The following AMDHD2 variants were observed in gnomAD, a reference collection of about 807,000 sequenced individuals.
The protein encoded by AMDHD2 is amidohydrolase domain containing 2, also known as N-acetylglucosamine-6-phosphate deacetylase.
A neutral mutation model predicts 41.8 loss-of-function variants in AMDHD2; 24 were observed. The ratio of observed to expected loss-of-function variants is 0.57; its 90% CI spans 0.42 to 0.81. AMDHD2 has a LOEUF of 0.81. Among genes scored for constraint, AMDHD2 ranks in the 30% least tolerant of loss-of-function variants. AMDHD2 has a pLI of 0.00. For synonymous variants in AMDHD2, 332 were observed against 255.5 expected (o/e 1.30, Z -2.85); for missense variants, 540 against 588.5 (o/e 0.92, Z 0.85).
chr16:2,523,117 C>T (rs1052754659), intron 3 of AMDHD2, among the ~76,000 whole-genome samples: 4 of 152,190 alleles, frequency 2.6e-5, no homozygotes, highest in African/African-American at 7.2e-5. Flanking sequence ...GCTAGGATTA[C>T]AGGCGTGAGC....
chr16:2,524,736 A>G (rs1013368023), intron 3 of AMDHD2, among the ~76,000 whole-genome samples: 2 of 151,942 alleles, frequency 1.3e-5, no homozygotes, highest in Non-Finnish European at 2.9e-5. Flanking sequence ...AGCTCTAAAA[A>G]CTGTGCTGGC....
intron 3 of AMDHD2, among the ~76,000 whole-genome samples, chr16:2,524,915 G>C (rs189219553): frequency 6.1e-4 from 93 of 151,696 alleles, no homozygotes; most frequent in African/African-American, 2.1e-3. Context: ...TCAGTCATCG[G>C]AGTGGTGTGA....
At chr16:2,526,691 A>C (rs542329985) in intron 3 of AMDHD2, among the ~76,000 whole-genome samples, 1 of 150,674 alleles carries the variant, frequency 6.6e-6, no homozygotes, top group South Asian at 2.1e-4. Flanking sequence ...TAATCCCAGC[A>C]CTTTGGGAGA....
At chr16:2,529,120 G>A (rs935280096) in intron 10 of AMDHD2, 25 bp downstream of exon 10, 38 of 1,517,008 alleles carry the variant, frequency 2.5e-5, no homozygotes, top group Admixed American at 4.5e-5. Context: ...CAGGGTCACC[G>A]GGCAGCCTGG....
rs1232713471 is a variant in AMDHD2, at chr16:2,528,706, C to T, written c.1027C>T (p.Leu343=). 6 of 1,612,522 alleles carry T rather than the reference C, an allele frequency of 3.7e-6. No individual in the cohort carries two copies. Among genetic ancestry groups the T allele is most frequent in the South Asian group, 1.1e-5 (1 of 91,086 alleles). ...APMDVCVRHF[L]QATGCSMESA... is the part of the protein sequence containing the mutation. ...AATGGACGTCTGTGTCCGGCACTTC[C>T]TGCAGGCCACAGGTCAGTGAGCAGC... The change falls in exon 9 of 11, where the codon CTG becomes TTG. Residue 343 remains leucine, a synonymous_variant. Coordinates refer to ENST00000293971, the MANE Select transcript of AMDHD2 (RefSeq NM_001330449.2).
rs1436379682 is a variant in AMDHD2 at position 2,529,644 on chromosome 16, G to A, written c.*81G>A. On this transcript the variant is annotated 3_prime_UTR_variant, in exon 11 of 11. Coordinates refer to ENST00000293971, the MANE Select transcript of AMDHD2 (RefSeq NM_001330449.2). Reference sequence around the variant, plus strand: ...TGGTTGGGGAGCTGGTCTCCAGGGAGTGAGTCGGGAGCCCTGCTGGATTGA... The same window carrying A: ...TGGTTGGGGAGCTGGTCTCCAGGGAATGAGTCGGGAGCCCTGCTGGATTGA... 1.9e-6 allele frequency: 3 copies of A among 1,587,358 alleles called. No homozygotes were observed. The highest frequency in any genetic ancestry group is 2.6e-6 in the Non-Finnish European group (3 of 1,173,640).
chr16:2,521,141 G>A lies in AMDHD2; in HGVS notation c.360+18G>A. 1.9e-6 allele frequency: 3 copies of A among 1,548,312 alleles called. No homozygotes were observed. The highest frequency in any genetic ancestry group is 2.6e-6 in the Non-Finnish European group (3 of 1,141,974). On this transcript the variant is annotated intron_variant, in intron 3 of 10. Coordinates refer to ENST00000293971, the MANE Select transcript of AMDHD2 (RefSeq NM_001330449.2). ...ATCACAAGGTGAGGTGAGGCTCCCT[G>A]GCTGAGGTGGAGGGGGCTCCCGGAG...
chr16:2,527,682 A>T lies in AMDHD2; in HGVS notation c.415+67A>T, dbSNP rs571012335. The T allele has an allele frequency of 3.2e-6, 5 of 1,563,658 alleles. No individual in the cohort carries two copies. In the Admixed American group the frequency reaches 9.5e-5, roughly 30 times the overall value. ...CCTGCGGGACCTGTTGGCAGCCCCC[A>T]CCCCTCCAGATGCCCAGCTGGTGGG... On this transcript the variant is annotated intron_variant, in intron 4 of 10. Transcript: ENST00000293971. The surrounding 1 kb of genome is among the most constrained non-coding windows in gnomAD (Gnocchi z 6.1).
At chr16:2,521,154 G>C (rs2065931076) in intron 3 of AMDHD2, 31 bp downstream of exon 3, 1 of 1,524,246 alleles carries the variant, frequency 6.6e-7, no homozygotes, top group African/African-American at 1.4e-5. Context: ...TGAGGTGGAG[G>C]GGGCTCCCGG....
intron 3 of AMDHD2, among the ~76,000 whole-genome samples, chr16:2,523,490 T>G (rs2141902037): frequency 1.3e-5 from 2 of 152,276 alleles, no homozygotes; most frequent in Middle Eastern, 6.8e-3. Context: ...TGAGCCTCCG[T>G]TTCCTCAAAC....
At position 2,530,849 on chromosome 16, in the gene AMDHD2, G is replaced by C. The variant is rs754445253; in HGVS notation, c.*1286G>C. The C allele has an allele frequency of 6.2e-7, 1 of 1,613,730 alleles. No homozygotes were observed. The highest frequency in any genetic ancestry group is 8.5e-7 in the Non-Finnish European group (1 of 1,180,004). Reference sequence around the variant, plus strand: ...AAAGCAGGCGACGGATGTGGATCCTGACCTCCTGAGAGGTGTGAGGTGCAG... The same window carrying C: ...AAAGCAGGCGACGGATGTGGATCCTCACCTCCTGAGAGGTGTGAGGTGCAG... On this transcript the variant is annotated 3_prime_UTR_variant, in exon 11 of 11. Coordinates refer to ENST00000293971, the MANE Select transcript of AMDHD2 (RefSeq NM_001330449.2).
rs941126343 is a variant in AMDHD2 at position 2,530,751 on chromosome 16, C to G, written c.*1188C>G. 4 of 1,613,662 alleles carry G rather than the reference C, an allele frequency of 2.5e-6. No homozygotes were observed. Among genetic ancestry groups the G allele is most frequent in the Non-Finnish European group, 3.4e-6 (4 of 1,179,840 alleles). ...GAAGAACCACCTGCCTGGGCAGGGC[C>G]TCGCCTGAGGGAGGGCCTGGGGCAG... is the stretch of plus-strand genomic sequence containing the variant. On this transcript the variant is annotated 3_prime_UTR_variant, in exon 11 of 11. Transcript: ENST00000293971.
At chr16:2,523,602 G>A (rs1044675524) in intron 3 of AMDHD2, among the ~76,000 whole-genome samples, 3 of 152,150 alleles carry the variant, frequency 2.0e-5, no homozygotes, top group Admixed American at 1.3e-4. Context: ...AGCCATGGAT[G>A]TCTTTTTGGA....
At chr16:2,525,613 C>T (rs555861190) in intron 3 of AMDHD2, among the ~76,000 whole-genome samples, 1 of 152,134 alleles carries the variant, frequency 6.6e-6, no homozygotes, top group Non-Finnish European at 1.5e-5. Context: ...GGCGCGATCT[C>T]GGCTCACTGC....
Position 2,527,575 on chromosome 16 carries a change from C to T in AMDHD2, c.375C>T (p.Ile125=). 1 of 1,613,142 alleles carries T rather than the reference C, an allele frequency of 6.2e-7. No individual in the cohort carries two copies. The highest frequency in any genetic ancestry group is 8.5e-7 in the Non-Finnish European group (1 of 1,179,666). Residue 125 remains isoleucine (I), a synonymous_variant, in exon 4 of 11, where the codon ATC becomes ATT. Coordinates refer to ENST00000293971, the MANE Select transcript of AMDHD2 (RefSeq NM_001330449.2). The surrounding 1 kb of genome is among the most constrained non-coding windows in gnomAD (Gnocchi z 6.1). ...PEVYHKVVPQ[I]PVKSGGPHGA... is the part of the protein sequence containing the mutation. ...GTTCCCCCCAGGTTGTTCCTCAGAT[C>T]CCTGTGAAGAGTGGTGGTCCCCATG...
rs751034655 is a variant in AMDHD2 at position 2,528,003 on chromosome 16, G to A, written c.628+18G>A. 1 of 1,609,054 alleles carries A rather than the reference G, an allele frequency of 6.2e-7. No individual in the cohort carries two copies. The highest frequency in any genetic ancestry group is 1.1e-5 in the South Asian group (1 of 91,048). ...GTCCCTAGGTGAGGGGCCGGCTCGG[G>A]GTGGGCCTGCTTGGGGGACCTGGGC... On this transcript the variant is annotated intron_variant, in intron 5 of 10. Transcript: ENST00000293971.
At position 2,530,853 on chromosome 16, in the gene AMDHD2, T is replaced by A. The variant is rs754598974; in HGVS notation, c.*1290T>A. Reference sequence around the variant, plus strand: ...CAGGCGACGGATGTGGATCCTGACCTCCTGAGAGGTGTGAGGTGCAGGGAT... The same window carrying A: ...CAGGCGACGGATGTGGATCCTGACCACCTGAGAGGTGTGAGGTGCAGGGAT... On this transcript the variant is annotated 3_prime_UTR_variant, in exon 11 of 11. Transcript: ENST00000293971. 3.9e-5 allele frequency: 63 copies of A among 1,613,406 alleles called. No homozygotes were observed. Among genetic ancestry groups the A allele is most frequent in the South Asian group, 1.8e-4 (16 of 91,082 alleles).
chr16:2,525,669 C>T (rs1344605043), intron 3 of AMDHD2, among the ~76,000 whole-genome samples: 5 of 152,122 alleles, frequency 3.3e-5, no homozygotes, highest in African/African-American at 7.2e-5. Flanking sequence ...CTCAGCCTCC[C>T]AGGTAGCTGG....
intron 1 of AMDHD2, 38 bp downstream of exon 1, chr16:2,520,579 G>A (rs1266516284): frequency 1.7e-5 from 20 of 1,211,942 alleles, no homozygotes; most frequent in Non-Finnish European, 2.0e-5. Context: ...TGGGGACCGG[G>A]CGGGGTGCAG....
Sources: allele counts gnomAD v4.1 joint callset (sites outside exome capture counted in the v4.1 genomes callset), GRCh38; gene constraint gnomAD v4.1.1; non-coding constraint Gnocchi (gnomAD v3.1); transcripts MANE v1.5; gene names NCBI Gene and HGNC (gene_info 2026-07-23, HGNC 2026-07-21).